The following FAM118B variants were observed in gnomAD, a reference collection of about 807,000 sequenced individuals.
FAM118B encodes protein FAM118B.
FAM118B carries 24 observed loss-of-function variants against 38.5 expected under a neutral mutation model. That is an observed-to-expected ratio of 0.62 (90% CI 0.45 to 0.88). The LOEUF (loss-of-function observed/expected upper bound fraction) is 0.88, where lower values mean the gene tolerates loss of function less well. FAM118B is among the 40% of genes least tolerant of loss of function. The pLI is 0.00. For synonymous variants in FAM118B, 138 were observed against 156.3 expected (o/e 0.88, Z 0.87); for missense variants, 334 against 420.0 (o/e 0.80, Z 1.79).
intron 5 of FAM118B, among the ~76,000 whole-genome samples, chr11:126,251,901 C>CA (rs1335065005): frequency 6.6e-6 from 1 of 151,954 alleles, no homozygotes; most frequent in East Asian, 1.9e-4. Context: ...AGGCTAGTCT[C>CA]AAACTCCTGA....
At chr11:126,238,058 A>G (rs952013538) in intron 3 of FAM118B, among the ~76,000 whole-genome samples, 4 of 151,788 alleles carry the variant, frequency 2.6e-5, no homozygotes, top group Non-Finnish European at 5.9e-5. Context: ...TTAACAGAAA[A>G]CACCAAAAAG....
rs369618932 is a variant in FAM118B, at chr11:126,252,143, C to G, written c.567+1410C>G. Among the ~76,000 whole-genome samples, 1 of 151,990 alleles carries G rather than the reference C, an allele frequency of 6.6e-6. No homozygotes were observed. The highest frequency in any genetic ancestry group is 1.5e-5 in the Non-Finnish European group (1 of 68,022). On this transcript the variant is annotated intron_variant, in intron 5 of 8. Coordinates refer to ENST00000533050, the MANE Select transcript of FAM118B (RefSeq NM_024556.4). This position sits in a 1 kb window ranked among gnomAD's most constrained non-coding sequence, Gnocchi z 4.7. The stretch of plus-strand genomic sequence containing the variant: ...CTGGGATTACAGGCACCCGCCATCA[C>G]GTCTGGCTAATTTTTGTATTTTCAG...
At chr11:126,213,284 A>T (rs1949916016) in intron 1 of FAM118B, among the ~76,000 whole-genome samples, 2 of 152,192 alleles carry the variant, frequency 1.3e-5, no homozygotes, top group Admixed American at 1.3e-4. Context: ...GTAGAGGAAG[A>T]TGTATTTGTA....
At chr11:126,246,409 T>TTAAA (rs1401280766) in intron 4 of FAM118B, among the ~76,000 whole-genome samples, 1 of 152,188 alleles carries the variant, frequency 6.6e-6, no homozygotes, top group Non-Finnish European at 1.5e-5. Context: ...ACTCTGCCAC[T>TTAAA]TAAATGCACT....
chr11:126,240,996 C>T lies in FAM118B; in HGVS notation c.291C>T (p.Asp97=). Reference sequence around the variant, plus strand: ...AGTTTCAGAAATGTCTCCATGAAGACAAGAACCTGGTCCATGTTGCCCATG... The same window carrying T: ...AGTTTCAGAAATGTCTCCATGAAGATAAGAACCTGGTCCATGTTGCCCATG... ...SKKFQKCLHE[D]KNLVHVAHDL... is the part of the protein sequence containing the mutation. The change falls in exon 4 of 9, where the codon GAC becomes GAT. Residue 97 remains aspartate (D), a synonymous_variant. Coordinates refer to ENST00000533050, the MANE Select transcript of FAM118B (RefSeq NM_024556.4). 1 of 1,613,662 alleles carries T rather than the reference C, an allele frequency of 6.2e-7. No homozygotes were observed. The highest frequency in any genetic ancestry group is 8.5e-7 in the Non-Finnish European group (1 of 1,179,800).
At chr11:126,217,728 A>G (rs1255569626) in intron 1 of FAM118B, among the ~76,000 whole-genome samples, 1 of 152,044 alleles carries the variant, frequency 6.6e-6, no homozygotes, top group Admixed American at 6.6e-5. Context: ...TTCTGGGCTT[A>G]TGTCTTTATT....
In FAM118B at chr11:126,256,821, G is replaced by A. The variant is rs200123822; in HGVS notation, c.951G>A (p.Leu317=). The change falls in exon 7 of 9, where the codon CTG becomes CTA. Residue 317 remains leucine (L), a synonymous_variant. Coordinates refer to ENST00000533050, the MANE Select transcript of FAM118B (RefSeq NM_024556.4). This position sits in a 1 kb window ranked among gnomAD's most constrained non-coding sequence, Gnocchi z 6.6. ...ATCTTCCAGAATATTTCAAGCGACT[G>A]ACATGTGAGATCTCCACAAGGGGTA... The part of the protein sequence containing the change: ...YADLPEYFKR[L]TCEISTRGTS... 1.2e-6 allele frequency: 2 copies of A among 1,613,560 alleles called. No homozygotes were observed. The highest frequency in any genetic ancestry group is 1.7e-6 in the Non-Finnish European group (2 of 1,179,814).
chr11:126,261,377 A>C (rs752585504), intron 7 of FAM118B, 48 bp from the exon 8 acceptor site: 19 of 1,515,534 alleles, frequency 1.3e-5, no homozygotes, highest in Non-Finnish European at 1.7e-5. Flanking sequence ...TGCTATTAAT[A>C]GTTTTAGCTT....
chr11:126,212,014 C>T (rs1443129494), intron 1 of FAM118B, among the ~76,000 whole-genome samples, 184 bp downstream of exon 1: 2 of 152,226 alleles, frequency 1.3e-5, no homozygotes, highest in African/African-American at 4.8e-5. Flanking sequence ...AGCGATGTCC[C>T]ATAAACGCTC....
At position 126,250,994 on chromosome 11, in the gene FAM118B, C is replaced by G; in HGVS notation, c.567+261C>G. Among the ~76,000 whole-genome samples, 1 of 152,204 alleles carries G rather than the reference C, an allele frequency of 6.6e-6. No homozygotes were observed. The highest frequency in any genetic ancestry group is 1.9e-4 in the East Asian group (1 of 5,200). ...TTTAAAGCAAGATTAGAGGAAGTCACTTGAACTGTAAGATCTCTTTAGCAC... is the reference window on the plus strand; with the variant it reads ...TTTAAAGCAAGATTAGAGGAAGTCAGTTGAACTGTAAGATCTCTTTAGCAC... On this transcript the variant is annotated intron_variant, in intron 5 of 8. Transcript: ENST00000533050. The surrounding 1 kb of genome is among the most constrained non-coding windows in gnomAD (Gnocchi z 5.1).
At chr11:126,218,453 C>T (rs781289857) in intron 1 of FAM118B, among the ~76,000 whole-genome samples, 11 of 152,226 alleles carry the variant, frequency 7.2e-5, no homozygotes, top group Non-Finnish European at 1.3e-4. Context: ...CATTTCCCAC[C>T]ATCTAGCATC....
At chr11:126,262,065 T>A in intron 8 of FAM118B, 55 bp from the exon 9 acceptor site, 13 of 1,594,604 alleles carry the variant, frequency 8.2e-6, no homozygotes, top group Non-Finnish European at 1.1e-5. Context: ...CAGCTTCCAA[T>A]GTATAAACCT....
intron 4 of FAM118B, among the ~76,000 whole-genome samples, chr11:126,249,760 AG>A (rs1950472921): frequency 6.6e-6 from 1 of 151,100 alleles, no homozygotes; most frequent in African/African-American, 2.4e-5. Context: ...AAAAAGAAAA[AG>A]AAAAGGAGAT....
chr11:126,215,475 G>T (rs1302809582), intron 1 of FAM118B, among the ~76,000 whole-genome samples: 1 of 152,086 alleles, frequency 6.6e-6, no homozygotes, highest in Admixed American at 6.5e-5. Flanking sequence ...GAGGTGGGCG[G>T]ATCACGAGAT....
At chr11:126,236,549 T>C (rs1016967721) in intron 3 of FAM118B, among the ~76,000 whole-genome samples, 5 of 152,206 alleles carry the variant, frequency 3.3e-5, no homozygotes, top group Non-Finnish European at 7.3e-5. Flanking sequence ...ACCTGAAATT[T>C]CACAGTGATG....
chr11:126,242,723 A>C (rs1950374677), intron 4 of FAM118B, among the ~76,000 whole-genome samples: 1 of 152,216 alleles, frequency 6.6e-6, no homozygotes, highest in African/African-American at 2.4e-5. Context: ...AGAATCAAGA[A>C]GACAATAATA....
intron 1 of FAM118B, among the ~76,000 whole-genome samples, chr11:126,216,438 T>C (rs1211779345): frequency 1.3e-5 from 2 of 152,166 alleles, no homozygotes; most frequent in African/African-American, 4.8e-5. Context: ...AGTCCCATTC[T>C]TTAGAGGCAA....
rs1335554535 is a variant in FAM118B at position 126,211,792 on chromosome 11, G to A, written c.-115G>A. ...GCGCTCAGTGCGGCTGCGCCGGCCG[G>A]TAGCTGCAGCTGGAGCAGTGGCGTT... On this transcript the variant is annotated 5_prime_UTR_variant, in exon 1 of 9. Transcript: ENST00000533050. 2.5e-6 allele frequency: 2 copies of A among 785,772 alleles called. No individual in the cohort carries two copies. Among genetic ancestry groups the A allele is most frequent in the Non-Finnish European group, 4.0e-6 (2 of 500,530 alleles). 48.7% of individuals were successfully genotyped at this position (785,772 alleles called of 1,614,324 possible).
rs1477651750 is a variant in FAM118B at position 126,241,005 on chromosome 11, G to A, written c.300G>A (p.Leu100=). The change falls in exon 4 of 9, where the codon CTG becomes CTA. Residue 100 remains leucine (L), a synonymous_variant. Coordinates refer to ENST00000533050, the MANE Select transcript of FAM118B (RefSeq NM_024556.4). ...FQKCLHEDKN[L]VHVAHDLIQK... ...AATGTCTCCATGAAGACAAGAACCT[G>A]GTCCATGTTGCCCATGACCTTATCC... 2.5e-6 allele frequency: 4 copies of A among 1,612,786 alleles called. No homozygotes were observed. The highest frequency in any genetic ancestry group is 3.4e-6 in the Non-Finnish European group (4 of 1,179,358).
Sources: gnomAD v4.1 joint callset for allele counts (sites outside exome capture counted in the v4.1 genomes callset) on GRCh38, gnomAD v4.1.1 for gene constraint, Gnocchi (gnomAD v3.1) non-coding constraint, MANE v1.5 for transcripts, NCBI Gene and HGNC (gene_info 2026-07-23, HGNC 2026-07-21) for gene names.